The following TAFA5 variants were observed in gnomAD, a reference collection of about 807,000 sequenced individuals.
TAFA5 encodes the protein chemokine-like protein TAFA-5.
In TAFA5, 6 loss-of-function variants were observed where a neutral mutation model predicts 15.3. The observed-to-expected ratio is 0.39, with a 90% CI of 0.21 to 0.77. The LOEUF is 0.77. TAFA5 is among the 30% of genes least tolerant of loss of function. The probability of loss-of-function intolerance (pLI) is 0.41; values close to 1 mark genes in which losing one functional copy is unlikely to be tolerated. For synonymous variants in TAFA5, 103 were observed against 80.7 expected, an observed-to-expected ratio of 1.28 and a Z score of -1.48; for missense variants, 161 against 193.1, an observed-to-expected ratio of 0.83 and a Z score of 0.98.
At chr22:48,746,202 C>T (rs755085301) in intron 3 of TAFA5, among the ~76,000 whole-genome samples, 1 of 152,028 alleles carries the variant, frequency 6.6e-6, no homozygotes, top group Non-Finnish European at 1.5e-5. Flanking sequence ...TGTTGTCTTT[C>T]TGCTCTCAGT....
chr22:48,676,807 G>T (rs149779877), intron 2 of TAFA5, among the ~76,000 whole-genome samples: 106 of 152,358 alleles, frequency 7.0e-4, no homozygotes, highest in African/African-American at 2.5e-3. Flanking sequence ...TTGACCTTGA[G>T]GAGGTCAACT....
intron 1 of TAFA5, among the ~76,000 whole-genome samples, chr22:48,511,905 G>A (rs1921227509): frequency 2.0e-5 from 3 of 152,272 alleles, no homozygotes; most frequent in Admixed American, 1.3e-4. Context: ...AAGGGCTACA[G>A]ATGCGGAACG....
At chr22:48,541,677 G>T (rs1922379161) in intron 1 of TAFA5, among the ~76,000 whole-genome samples, 1 of 152,138 alleles carries the variant, frequency 6.6e-6, no homozygotes, top group Admixed American at 6.5e-5. Flanking sequence ...TGAGGACTCA[G>T]TGCACCTGGC....
chr22:48,746,028 A>G (rs1165821120), intron 3 of TAFA5, among the ~76,000 whole-genome samples: 1 of 152,132 alleles, frequency 6.6e-6, no homozygotes, highest in Non-Finnish European at 1.5e-5. Flanking sequence ...AGCCTCCAGG[A>G]GACAGCGATG....
Position 48,552,185 on chromosome 22 carries a change from G to A in TAFA5, c.112+62481G>A, listed in dbSNP as rs1039735012. On this transcript the variant is annotated intron_variant, in intron 1 of 3. Coordinates refer to ENST00000402357, the MANE Select transcript of TAFA5 (RefSeq NM_001082967.3). The surrounding 1 kb of genome is among the most constrained non-coding windows in gnomAD (Gnocchi z 4.1). Reference sequence around the variant, plus strand: ...CTCCCAAGGAGTCACCAGTCACAGCGGACCTCACATGGCTCTTCTGCTGTG... The same window carrying A: ...CTCCCAAGGAGTCACCAGTCACAGCAGACCTCACATGGCTCTTCTGCTGTG... Among the ~76,000 whole-genome samples, 3 of 152,166 alleles carry A rather than the reference G, an allele frequency of 2.0e-5. No individual in the cohort carries two copies. The highest frequency in any genetic ancestry group is 4.8e-5 in the African/African-American group (2 of 41,432).
intron 2 of TAFA5, among the ~76,000 whole-genome samples, chr22:48,649,245 C>T (rs1481859460): frequency 2.0e-5 from 3 of 152,220 alleles, no homozygotes; most frequent in African/African-American, 4.8e-5. Context: ...CAGGAAGAAC[C>T]GTGGGCCAGG....
chr22:48,557,341 A>G (rs1028301889), intron 1 of TAFA5, among the ~76,000 whole-genome samples: 1 of 152,080 alleles, frequency 6.6e-6, no homozygotes, highest in Non-Finnish European at 1.5e-5. Flanking sequence ...ACACAGAGAG[A>G]AGACGGCGTC....
intron 1 of TAFA5, among the ~76,000 whole-genome samples, chr22:48,496,282 A>C (rs1928320751): frequency 6.7e-6 from 1 of 149,436 alleles, no homozygotes; most frequent in Admixed American, 6.7e-5. Context: ...GGCTCTCTGG[A>C]CAGATGCTTT....
intron 1 of TAFA5, among the ~76,000 whole-genome samples, chr22:48,575,836 C>A (rs1209398032): frequency 1.4e-5 from 2 of 143,224 alleles, no homozygotes; most frequent in African/African-American, 5.0e-5. Context: ...GCCCCGCGCC[C>A]GGCGCGCAGC....
chr22:48,749,355 G>T (rs752743188), intron 3 of TAFA5, among the ~76,000 whole-genome samples: 7 of 152,216 alleles, frequency 4.6e-5, no homozygotes, highest in Non-Finnish European at 1.0e-4. Context: ...GCCCGGCGTG[G>T]ATGGCCAGGG....
intron 1 of TAFA5, chr22:48,547,185 A>G (rs1335217157): frequency 6.6e-6 from 1 of 152,342 alleles, no homozygotes; most frequent in East Asian, 1.9e-4. Flanking sequence ...TTTCAGCCCA[A>G]CCACTTACGG....
At chr22:48,525,251 C>G (rs1357110116) in intron 1 of TAFA5, among the ~76,000 whole-genome samples, 1 of 152,184 alleles carries the variant, frequency 6.6e-6, no homozygotes, top group Non-Finnish European at 1.5e-5. Flanking sequence ...GGGGACATCC[C>G]TCGGCCCAGG....
At chr22:48,645,611 C>G (rs1356657850) in intron 1 of TAFA5, among the ~76,000 whole-genome samples, 4 of 152,062 alleles carry the variant, frequency 2.6e-5, no homozygotes, top group Non-Finnish European at 4.4e-5. Context: ...TCCCTCGTGC[C>G]CTGTGGGGTA....
intron 1 of TAFA5, among the ~76,000 whole-genome samples, chr22:48,493,145 G>A (rs13055265): frequency 1.5e-3 from 235 of 152,306 alleles, no homozygotes; most frequent in Non-Finnish European, 2.3e-3. Context: ...TGTGTGCAGC[G>A]TTGAAATCAA....
At chr22:48,674,442 G>A (rs565340755) in intron 2 of TAFA5, among the ~76,000 whole-genome samples, 1 of 152,242 alleles carries the variant, frequency 6.6e-6, no homozygotes, top group East Asian at 1.9e-4. Flanking sequence ...CCTCTGGAAC[G>A]GGCTTTATCT....
At chr22:48,721,686 A>G (rs749316580) in intron 3 of TAFA5, among the ~76,000 whole-genome samples, 1 of 152,220 alleles carries the variant, frequency 6.6e-6, no homozygotes, top group Non-Finnish European at 1.5e-5. Flanking sequence ...AAGTAAGATC[A>G]GGGTGGGGCA....
intron 1 of TAFA5, among the ~76,000 whole-genome samples, chr22:48,503,137 G>C (rs1288578991): frequency 6.6e-6 from 1 of 152,200 alleles, no homozygotes; most frequent in Non-Finnish European, 1.5e-5. Context: ...CCTCTGAGCT[G>C]CCTGTGTGAG....
intron 1 of TAFA5, among the ~76,000 whole-genome samples, chr22:48,620,233 T>C (rs893652679): frequency 6.6e-6 from 1 of 151,862 alleles, no homozygotes; most frequent in African/African-American, 2.4e-5. Flanking sequence ...TCCAGCCACC[T>C]CTCCCTCCAC....
At chr22:48,743,535 C>A (rs532777680) in intron 3 of TAFA5, among the ~76,000 whole-genome samples, 2 of 152,342 alleles carry the variant, frequency 1.3e-5, no homozygotes, top group African/African-American at 4.8e-5. Flanking sequence ...TACTGTAGAA[C>A]ACAGTTCAGC....
Sources: gnomAD v4.1 joint callset for allele counts (sites outside exome capture counted in the v4.1 genomes callset) on GRCh38, gnomAD v4.1.1 for gene constraint, Gnocchi (gnomAD v3.1) non-coding constraint, MANE v1.5 for transcripts, NCBI Gene and HGNC (gene_info 2026-07-23, HGNC 2026-07-21) for gene names.